Variants in KCTD13 observed in about 807,000 individuals in gnomAD.
KCTD13 encodes the protein potassium channel tetramerization domain containing 13, also known as BTB/POZ domain-containing adapter for CUL3-mediated RhoA degradation protein 1.
Under a neutral mutation model 32.3 loss-of-function variants are expected in KCTD13, and 15 were observed. The observed-to-expected ratio is 0.46, with a 90% CI of 0.31 to 0.71. The LOEUF is 0.71. KCTD13 is among the 30% of genes least tolerant of loss of function. The pLI, the probability that KCTD13 is intolerant of heterozygous loss-of-function variation, is 0.05. For missense variants in KCTD13, 337 were observed against 452.6 expected (o/e 0.74, Z 2.32); for synonymous variants, 189 against 200.1 (o/e 0.94, Z 0.47).
intron 5 of KCTD13, among the ~76,000 whole-genome samples, chr16:29,907,866 G>A (rs531191240): frequency 6.6e-6 from 1 of 151,124 alleles, no homozygotes; most frequent in Admixed American, 6.6e-5. Context: ...AGCTGGGTGT[G>A]GTGTCTCCTG....
chr16:29,921,201 A>T (rs1201533594), intron 2 of KCTD13: 1 of 152,214 alleles, frequency 6.6e-6, no homozygotes, highest in Admixed American at 6.5e-5. Flanking sequence ...ATGCAGAACA[A>T]TGCTTTAGCT....
At chr16:29,908,679 C>T (rs1459452108) in intron 5 of KCTD13, among the ~76,000 whole-genome samples, 2 of 149,084 alleles carry the variant, frequency 1.3e-5, no homozygotes, top group Admixed American at 6.7e-5. Context: ...CCACCATGCC[C>T]GGCCTTTTTT....
intron 2 of KCTD13, among the ~76,000 whole-genome samples, chr16:29,912,537 T>C (rs1317709579): frequency 6.6e-6 from 1 of 152,186 alleles, no homozygotes; most frequent in Non-Finnish European, 1.5e-5. Flanking sequence ...ACCTCCCGGG[T>C]TAAAGCAATT....
intron 1 of KCTD13, among the ~76,000 whole-genome samples, chr16:29,923,636 C>G (rs944961487): frequency 6.6e-6 from 1 of 151,804 alleles, no homozygotes; most frequent in African/African-American, 2.4e-5. Flanking sequence ...CTGAGGCAGG[C>G]AGATCACCTG....
chr16:29,917,923 G>C (rs1173545107), intron 2 of KCTD13, among the ~76,000 whole-genome samples: 1 of 152,120 alleles, frequency 6.6e-6, no homozygotes, highest in Non-Finnish European at 1.5e-5. Context: ...ACTCTAACCT[G>C]GGTGACAGAT....
intron 2 of KCTD13, chr16:29,921,186 C>T (rs2068905057): frequency 6.6e-6 from 1 of 152,070 alleles, no homozygotes; most frequent in East Asian, 1.9e-4. Context: ...TTAAAATGCA[C>T]ACATATGCAG....
intron 5 of KCTD13, among the ~76,000 whole-genome samples, chr16:29,908,132 A>G (rs1056536986): frequency 2.0e-5 from 3 of 152,062 alleles, no homozygotes; most frequent in Non-Finnish European, 4.4e-5. Context: ...TGACCAAAGG[A>G]GTGGGGGAGG....
chr16:29,906,537 A>G lies in KCTD13; in HGVS notation c.*335T>C. ...TGCTCAGACTGTGGTGATGTCAGGA[A>G]GGGCCGCACACTTTGGCATGGACGA... On this transcript the variant is annotated 3_prime_UTR_variant, in exon 6 of 6. Coordinates refer to ENST00000568000, the MANE Select transcript of KCTD13 (RefSeq NM_178863.5). The G allele has an allele frequency of 2.0e-6, 1 of 488,700 alleles. No homozygotes were observed. Among genetic ancestry groups the G allele is most frequent in the Non-Finnish European group, 4.0e-6 (1 of 248,314 alleles). The allele number at this position is 488,700 out of a possible 1,614,324, so 30.3% of individuals were successfully genotyped here.
At chr16:29,915,087 G>A (rs1178252644) in intron 2 of KCTD13, 1 of 152,096 alleles carries the variant, frequency 6.6e-6, no homozygotes, top group Non-Finnish European at 1.5e-5. Flanking sequence ...GGAACTCTTT[G>A]ATGCCTACTC....
At chr16:29,923,401 G>A in intron 1 of KCTD13, 42 bp from the exon 2 acceptor site, 1 of 1,583,244 alleles carries the variant, frequency 6.3e-7, no homozygotes, top group Non-Finnish European at 8.6e-7. Flanking sequence ...TGGCTTTGCT[G>A]CGGGACCTGG....
At chr16:29,924,425 C>T (rs1046725870) in intron 1 of KCTD13, among the ~76,000 whole-genome samples, 1 of 152,098 alleles carries the variant, frequency 6.6e-6, no homozygotes, top group Non-Finnish European at 1.5e-5. Context: ...TGTTAACCCC[C>T]GAAGTTAATT....
Position 29,911,296 on chromosome 16 carries a change from A to G in KCTD13, c.558-123T>C, listed in dbSNP as rs79922206. The G allele has an allele frequency of 4.1e-3, 3,087 of 755,398 alleles. 82 individuals are homozygous for G. The African/African-American group carries it at 0.046, about 11-fold the overall frequency. 46.8% of individuals were successfully genotyped at this position (755,398 alleles called of 1,614,324 possible). A position where few individuals can be genotyped will look rare whatever the true frequency, so the allele number is the denominator to read the frequency against. ...TGCCCAGGGCTTTGGTGCTCAACAG[A>G]GAGCCTCCTCCACCCCTGGGGCCAG... is the stretch of plus-strand genomic sequence containing the variant. On this transcript the variant is annotated intron_variant, in intron 4 of 5. Coordinates refer to ENST00000568000, the MANE Select transcript of KCTD13 (RefSeq NM_178863.5).
At chr16:29,923,403 G>T in intron 1 of KCTD13, 44 bp from the exon 2 acceptor site, 2 of 1,569,278 alleles carry the variant, frequency 1.3e-6, no homozygotes, top group Non-Finnish European at 1.7e-6. Context: ...GCTTTGCTGC[G>T]GGACCTGGAG....
intron 1 of KCTD13, 24 bp downstream of exon 1, chr16:29,925,766 G>A (rs1304230279): frequency 1.2e-6 from 2 of 1,608,646 alleles, no homozygotes; most frequent in Non-Finnish European, 1.7e-6. Context: ...TGGGGTGGGG[G>A]CACGGTAGGG....
rs1597008819 is a variant in KCTD13 at position 29,907,097 on chromosome 16, T to C, written c.765A>G (p.Pro255=). ...GGGTCTCCTCGAAGATCCGGGCCTCTGGAAATTCCACCTGCAAAAGGCCAG... is the reference window on the plus strand; with the variant it reads ...GGGTCTCCTCGAAGATCCGGGCCTCCGGAAATTCCACCTGCAAAAGGCCAG... The part of the protein sequence containing the change: ...TEKKQTKVEF[P]EARIFEETLN... Residue 255 remains proline, a synonymous_variant, in exon 6 of 6, where the codon CCA becomes CCG. Transcript: ENST00000568000. 2 of 1,603,626 alleles carry C rather than the reference T, an allele frequency of 1.2e-6. No homozygotes were observed. The highest frequency in any genetic ancestry group is 1.7e-6 in the Non-Finnish European group (2 of 1,173,066).
At chr16:29,919,732 T>C (rs751431970) in intron 2 of KCTD13, 1 of 151,706 alleles carries the variant, frequency 6.6e-6, no homozygotes, top group African/African-American at 2.4e-5. Flanking sequence ...CGATTGTATT[T>C]TGGCAAGCAA....
At chr16:29,911,322 G>A (rs2068704732) in intron 4 of KCTD13, 149 bp from the exon 5 acceptor site, 3 of 647,144 alleles carry the variant, frequency 4.6e-6, no homozygotes, top group East Asian at 2.7e-5. Flanking sequence ...CTGGGGCCAG[G>A]CTAAACGGGT....
intron 2 of KCTD13, chr16:29,921,791 G>A (rs2068918466): frequency 6.6e-6 from 1 of 152,172 alleles, no homozygotes; most frequent in African/African-American, 2.4e-5. Flanking sequence ...CAAACATGGT[G>A]AAACCCCGTC....
chr16:29,925,052 C>T (rs1003110341), intron 1 of KCTD13, among the ~76,000 whole-genome samples: 8 of 152,090 alleles, frequency 5.3e-5, no homozygotes, highest in Non-Finnish European at 8.8e-5. Flanking sequence ...GGCAGATCTC[C>T]GCCTCTCAAA....
Sources: allele counts gnomAD v4.1 joint callset (sites outside exome capture counted in the v4.1 genomes callset), GRCh38; gene constraint gnomAD v4.1.1; transcripts MANE v1.5; gene names NCBI Gene and HGNC (gene_info 2026-07-23, HGNC 2026-07-21).